The following ZNF729 variants were observed in gnomAD, a reference collection of about 807,000 sequenced individuals.
ZNF729 encodes zinc finger protein 729.
In ZNF729, 15 loss-of-function variants were observed where a neutral mutation model predicts 12.2. That is an observed-to-expected ratio of 1.23 (90% CI 0.82 to 1.89). The LOEUF is 1.89. Ranked by LOEUF, ZNF729 falls within the 40% of genes most tolerant of loss-of-function variation. The pLI is 0.00. For synonymous variants in ZNF729, 492 were observed against 476.3 expected, an observed-to-expected ratio of 1.03 and a Z score of -0.43; for missense variants, 1,540 against 1,456.7, an observed-to-expected ratio of 1.06 and a Z score of -0.93.
intron 1 of ZNF729, among the ~76,000 whole-genome samples, chr19:22,287,352 C>T (rs1968092970): frequency 6.6e-6 from 1 of 151,792 alleles, no homozygotes; most frequent in Non-Finnish European, 1.5e-5. Flanking sequence ...GTGCAACCTC[C>T]GCCTCCCGGG....
chr19:22,315,196 T>A lies in ZNF729; in HGVS notation c.1779T>A (p.Ile593=). 6.2e-7 allele frequency: 1 copy of A among 1,611,702 alleles called. No individual in the cohort carries two copies. Among genetic ancestry groups the A allele is most frequent in the East Asian group, 2.2e-5 (1 of 44,792 alleles). The change falls in exon 4 of 4, where the codon ATT becomes ATA. Residue 593 remains isoleucine, a synonymous_variant. Coordinates refer to ENST00000601693, the MANE Select transcript of ZNF729 (RefSeq NM_001242680.2). ...HFSALRKHKV[I]HTREKLYKCE... ...CAGCCCTCAGAAAACATAAGGTAAT[T>A]CATACTAGGGAGAAATTGTACAAAT...
At chr19:22,298,020 A>AAC (rs1271752085) in intron 1 of ZNF729, among the ~76,000 whole-genome samples, 2 of 150,614 alleles carry the variant, frequency 1.3e-5, no homozygotes, top group African/African-American at 4.9e-5. Flanking sequence ...AAAAAAAAAA[A>AAC]AAAAAAACAC....
rs752906517 is a variant in ZNF729, at chr19:22,316,537, A to G, written c.3120A>G (p.Ile1040Met). 5.6e-6 allele frequency: 9 copies of G among 1,613,622 alleles called. No individual in the cohort carries two copies. The highest frequency in any genetic ancestry group is 3.3e-5 in the South Asian group (3 of 91,072). ...NNFSALMKHK[I>M]IHTGEKPYKC... ...TCTCAGCCCTTATGAAACATAAGATAATTCATACTGGGGAGAAACCCTACA... is the reference window on the plus strand; with the variant it reads ...TCTCAGCCCTTATGAAACATAAGATGATTCATACTGGGGAGAAACCCTACA... Residue 1040 changes from isoleucine to methionine, a missense_variant, in exon 4 of 4, where the codon ATA (isoleucine) becomes ATG (methionine). Coordinates refer to ENST00000601693, the MANE Select transcript of ZNF729 (RefSeq NM_001242680.2).
chr19:22,286,642 C>T (rs542018312), intron 1 of ZNF729, 87 bp downstream of exon 1: 2 of 1,519,176 alleles, frequency 1.3e-6, no homozygotes, highest in Admixed American at 1.7e-5. Flanking sequence ...TCCGGCCTCC[C>T]CGCAGTCAGC....
rs1216921020 is a variant in ZNF729 at position 22,314,043 on chromosome 19, A to C, written c.626A>C (p.Lys209Thr). 1.3e-6 allele frequency: 2 copies of C among 1,541,866 alleles called. No homozygotes were observed. The highest frequency in any genetic ancestry group is 4.9e-5 in the East Asian group (2 of 40,886). ...ATTCATATTAGACAGAATATCTACA[A>C]ATGTGAAGAACGTGGCAAAGCCTTT... Reference protein sequence around the residue: ...KRIHIRQNIYKCEERGKAFKS... With the variant: ...KRIHIRQNIYTCEERGKAFKS... Residue 209 changes from lysine to threonine, a missense_variant, in exon 4 of 4, where the codon AAA becomes ACA. Coordinates refer to ENST00000601693, the MANE Select transcript of ZNF729 (RefSeq NM_001242680.2).
chr19:22,292,255 A>G (rs1455230702), intron 1 of ZNF729, among the ~76,000 whole-genome samples: 1 of 152,032 alleles, frequency 6.6e-6, no homozygotes, highest in Non-Finnish European at 1.5e-5. Flanking sequence ...TCCATGTGTT[A>G]TTATTTAGCT....
intron 3 of ZNF729, among the ~76,000 whole-genome samples, chr19:22,312,596 C>A (rs1968465270): frequency 6.6e-6 from 1 of 152,144 alleles, no homozygotes; most frequent in Non-Finnish European, 1.5e-5. Flanking sequence ...TCTCAGCAGA[C>A]TCAAGCTGTC....
chr19:22,291,985 G>T (rs1157189427), intron 1 of ZNF729, among the ~76,000 whole-genome samples: 2 of 152,058 alleles, frequency 1.3e-5, no homozygotes, highest in Non-Finnish European at 2.9e-5. Flanking sequence ...GCCCACCTCA[G>T]CCTCTCAAAG....
At position 22,295,038 on chromosome 19, in the gene ZNF729, TTGTGTGTGTGTG is replaced by T. The variant is rs71180536; in HGVS notation, c.30+8507_30+8518del. Among the ~76,000 whole-genome samples the T allele has an allele frequency of 7.3e-3, 1,049 of 144,122 alleles. 7 individuals are homozygous for T. Among genetic ancestry groups the T allele is most frequent in the Non-Finnish European group, 0.01 (664 of 65,256 alleles). 94.5% of individuals were successfully genotyped at this position (144,122 alleles called of 152,430 possible). The stretch of plus-strand genomic sequence containing the variant: ...TCTGGTTAGGTGTACTCCTAGATAT[TTGTGTGTGTGTG>T]TGTGTGTGTGTGTGTGTGTGTGTCA... On this transcript the variant is annotated intron_variant, in intron 1 of 3. Coordinates refer to ENST00000601693, the MANE Select transcript of ZNF729 (RefSeq NM_001242680.2).
chr19:22,315,551 T>C lies in ZNF729; in HGVS notation c.2134T>C (p.Tyr712His). The change falls in exon 4 of 4, where the codon TAC (tyrosine) becomes CAC (histidine). Residue 712 changes from tyrosine (Y) to histidine (H), a missense_variant. Physicochemically the swap from Tyr to His is moderately conservative, Grantham distance 83 (BLOSUM62 2). Coordinates refer to ENST00000601693, the MANE Select transcript of ZNF729 (RefSeq NM_001242680.2). ...HKIIHTGEKPYKCEECGKAFK... is the reference protein window; with the variant it reads ...HKIIHTGEKPHKCEECGKAFK... ...GATAATTCATACTGGAGAGAAACCCTACAAATGTGAAGAATGTGGTAAAGC... is the reference window on the plus strand; with the variant it reads ...GATAATTCATACTGGAGAGAAACCCCACAAATGTGAAGAATGTGGTAAAGC... 2 of 1,610,948 alleles carry C rather than the reference T, an allele frequency of 1.2e-6. No homozygotes were observed. Among genetic ancestry groups the C allele is most frequent in the Non-Finnish European group, 1.7e-6 (2 of 1,179,502 alleles).
chr19:22,289,675 T>A lies in ZNF729; in HGVS notation c.30+3120T>A, dbSNP rs553417511. Among the ~76,000 whole-genome samples the A allele has an allele frequency of 3.9e-5, 6 of 152,316 alleles. No homozygotes were observed. The South Asian group carries it at 1.0e-3, about 26-fold the overall frequency. ...GAAAAATCTCTCTTCCATTTTGGCT[T>A]CAGAAAATGCACACATTTCCACAAG... is the stretch of plus-strand genomic sequence containing the variant. On this transcript the variant is annotated intron_variant, in intron 1 of 3. Coordinates refer to ENST00000601693, the MANE Select transcript of ZNF729 (RefSeq NM_001242680.2).
At chr19:22,308,866 T>C (rs896154054) in intron 3 of ZNF729, among the ~76,000 whole-genome samples, 1 of 152,172 alleles carries the variant, frequency 6.6e-6, no homozygotes, top group African/African-American at 2.4e-5. Context: ...GCTCTTTAGT[T>C]TCATTAAGTT....
At position 22,314,057 on chromosome 19, in the gene ZNF729, G is replaced by C; in HGVS notation, c.640G>C (p.Gly214Arg). Reference sequence around the variant, plus strand: ...GAATATCTACAAATGTGAAGAACGTGGCAAAGCCTTTAAATCGTTCTCAAC... The same window carrying C: ...GAATATCTACAAATGTGAAGAACGTCGCAAAGCCTTTAAATCGTTCTCAAC... ...RQNIYKCEERGKAFKSFSTLT... is the reference protein window; with the variant it reads ...RQNIYKCEERRKAFKSFSTLT... The change falls in exon 4 of 4, where the codon GGC becomes CGC. Residue 214 changes from glycine (G) to arginine (R), a missense_variant. Physicochemically the swap from Gly to Arg is moderately radical, Grantham distance 125 (BLOSUM62 -2). Transcript: ENST00000601693. 1.3e-6 allele frequency: 2 copies of C among 1,543,026 alleles called. No homozygotes were observed. The highest frequency in any genetic ancestry group is 1.7e-6 in the Non-Finnish European group (2 of 1,145,976).
chr19:22,286,756 C>T (rs905606027), intron 1 of ZNF729, among the ~76,000 whole-genome samples: 3 of 152,190 alleles, frequency 2.0e-5, no homozygotes, highest in Non-Finnish European at 2.9e-5. Context: ...CCTGTCTCCT[C>T]CATGCGCTGT....
At chr19:22,312,871 G>A (rs150654782) in intron 3 of ZNF729, among the ~76,000 whole-genome samples, 3,383 of 151,550 alleles carry the variant, frequency 0.022, 124 homozygotes, top group African/African-American at 0.078. Context: ...GTGCCACCAC[G>A]CCCAGCTAAT....
At chr19:22,298,794 A>G (rs536395007) in intron 1 of ZNF729, among the ~76,000 whole-genome samples, 2 of 152,278 alleles carry the variant, frequency 1.3e-5, no homozygotes, top group East Asian at 3.9e-4. Context: ...GATTACAGGC[A>G]TGAGCCACCA....
intron 1 of ZNF729, among the ~76,000 whole-genome samples, chr19:22,301,038 G>A (rs1433321996): frequency 1.3e-5 from 2 of 151,740 alleles, no homozygotes; most frequent in Non-Finnish European, 2.9e-5. Flanking sequence ...TTCTCTTTTT[G>A]TTTTTTGAAC....
intron 1 of ZNF729, among the ~76,000 whole-genome samples, chr19:22,291,296 C>T (rs75546021): frequency 0.022 from 3,317 of 152,120 alleles, 109 homozygotes; most frequent in African/African-American, 0.076. Context: ...GATCTCCTCC[C>T]GGGGTGAGAG....
intron 3 of ZNF729, among the ~76,000 whole-genome samples, chr19:22,308,074 C>T (rs1968407584): frequency 1.3e-5 from 2 of 152,050 alleles, no homozygotes; most frequent in African/African-American, 4.8e-5. Flanking sequence ...GCCTTTGCAT[C>T]CTCATAGCTT....
Sources: gnomAD v4.1 joint callset for allele counts (sites outside exome capture counted in the v4.1 genomes callset) on GRCh38, gnomAD v4.1.1 for gene constraint, MANE v1.5 for transcripts, NCBI Gene and HGNC (gene_info 2026-07-23, HGNC 2026-07-21) for gene names.